The following SLC25A21 variants were observed in gnomAD, a reference collection of about 807,000 sequenced individuals.
SLC25A21 encodes the protein mitochondrial 2-oxodicarboxylate carrier.
Under a neutral mutation model 43.8 loss-of-function variants are expected in SLC25A21, and 47 were observed. The observed-to-expected ratio is 1.07, with a 90% CI of 0.85 to 1.37. The LOEUF is 1.37. Ranked by LOEUF, SLC25A21 falls within the 40% of genes most tolerant of loss-of-function variation. The probability of loss-of-function intolerance (pLI) is 0.00; values close to 1 mark genes in which losing one functional copy is unlikely to be tolerated. For missense variants in SLC25A21, 352 were observed against 350.2 expected, an observed-to-expected ratio of 1.00 and a Z score of -0.04; for synonymous variants, 131 against 121.3, an observed-to-expected ratio of 1.08 and a Z score of -0.52.
chr14:36,836,856 T>C (rs1889226876), intron 2 of SLC25A21, among the ~76,000 whole-genome samples: 1 of 152,138 alleles, frequency 6.6e-6, no homozygotes, highest in African/African-American at 2.4e-5. Context: ...GAGATGAATA[T>C]ATTTGTAGTT....
chr14:37,155,296 C>A (rs1963829549), intron 1 of SLC25A21, among the ~76,000 whole-genome samples: 2 of 152,018 alleles, frequency 1.3e-5, no homozygotes, highest in Admixed American at 1.3e-4. Flanking sequence ...TTTGGGGCAA[C>A]ATACAGTGAC....
chr14:36,871,334 C>G (rs1890367430), intron 2 of SLC25A21, among the ~76,000 whole-genome samples: 1 of 152,172 alleles, frequency 6.6e-6, no homozygotes, highest in Non-Finnish European at 1.5e-5. Flanking sequence ...TACCAGACAT[C>G]AAACCTGCCA....
intron 1 of SLC25A21, among the ~76,000 whole-genome samples, chr14:36,973,381 G>C (rs718997): frequency 1.3e-5 from 2 of 152,126 alleles, no homozygotes; most frequent in Non-Finnish European, 1.5e-5. Flanking sequence ...AAACATAGCG[G>C]AGGCTGCCTC....
chr14:36,895,437 CT>C (rs1891210616), intron 1 of SLC25A21, among the ~76,000 whole-genome samples: 1 of 152,100 alleles, frequency 6.6e-6, no homozygotes, highest in African/African-American at 2.4e-5. Flanking sequence ...CTCTTTTCTT[CT>C]TTATTAGTCT....
chr14:36,696,888 T>G (rs1204467156), intron 7 of SLC25A21, among the ~76,000 whole-genome samples: 3 of 152,088 alleles, frequency 2.0e-5, no homozygotes, highest in African/African-American at 4.8e-5. Flanking sequence ...TTTTGAAGGG[T>G]TTTTTTGTAT....
At chr14:37,101,105 G>A (rs1962809337) in intron 1 of SLC25A21, among the ~76,000 whole-genome samples, 1 of 152,086 alleles carries the variant, frequency 6.6e-6, no homozygotes, top group Admixed American at 6.6e-5. Flanking sequence ...GAAAAATAAT[G>A]TGTTAATCCA....
At chr14:36,769,793 C>T (rs1035290376) in intron 3 of SLC25A21, among the ~76,000 whole-genome samples, 1 of 152,180 alleles carries the variant, frequency 6.6e-6, no homozygotes, top group Non-Finnish European at 1.5e-5. Flanking sequence ...CACTGAAATA[C>T]TTAAATTCTA....
rs140222721 is a variant in SLC25A21, at chr14:37,007,734, G to A, written c.71-132730C>T. 2.7e-3 allele frequency among the ~76,000 whole-genome samples: 406 copies of A among 151,992 alleles called. 1 individual carries two copies. The highest frequency in any genetic ancestry group is 2.8e-3 in the Non-Finnish European group (193 of 67,988). On this transcript the variant is annotated intron_variant, in intron 1 of 9. Coordinates refer to ENST00000331299, the MANE Select transcript of SLC25A21 (RefSeq NM_030631.4). ...TCTTGATATTATTGGCACGCTTTACGGGAAGAAATTATCAATAGTTTATTC... is the reference window on the plus strand; with the variant it reads ...TCTTGATATTATTGGCACGCTTTACAGGAAGAAATTATCAATAGTTTATTC...
intron 1 of SLC25A21, among the ~76,000 whole-genome samples, chr14:37,014,656 T>C (rs140628541): frequency 6.6e-6 from 1 of 152,324 alleles, no homozygotes; most frequent in African/African-American, 2.4e-5. Flanking sequence ...TTCAGAATGA[T>C]AAATTCTTTC....
chr14:37,156,504 A>G (rs570248261), intron 1 of SLC25A21, among the ~76,000 whole-genome samples: 2 of 152,168 alleles, frequency 1.3e-5, no homozygotes, highest in African/African-American at 4.8e-5. Context: ...TTTAAAAACT[A>G]TCTTCCAACT....
intron 3 of SLC25A21, among the ~76,000 whole-genome samples, chr14:36,756,943 T>C (rs1362591521): frequency 6.6e-6 from 1 of 152,154 alleles, no homozygotes; most frequent in African/African-American, 2.4e-5. Context: ...CATAGACCAA[T>C]ACTTTTGTAA....
chr14:37,059,160 T>C (rs1961891936), intron 1 of SLC25A21, among the ~76,000 whole-genome samples: 1 of 152,208 alleles, frequency 6.6e-6, no homozygotes, highest in Non-Finnish European at 1.5e-5. Context: ...GAAATTCAAA[T>C]AACAGTAATA....
chr14:36,846,916 C>T (rs1011793174), intron 2 of SLC25A21, among the ~76,000 whole-genome samples: 2 of 152,152 alleles, frequency 1.3e-5, no homozygotes, highest in African/African-American at 4.8e-5. Context: ...TCCAAACACT[C>T]AAAAAACTTC....
intron 1 of SLC25A21, among the ~76,000 whole-genome samples, chr14:37,006,938 A>AAAAC (rs1181301047): frequency 6.6e-6 from 1 of 152,166 alleles, no homozygotes; most frequent in Non-Finnish European, 1.5e-5. Context: ...ACAATCTCCT[A>AAAAC]AAACAAACAA....
intron 7 of SLC25A21, among the ~76,000 whole-genome samples, chr14:36,701,614 TG>T (rs1384287399): frequency 2.6e-5 from 4 of 152,210 alleles, no homozygotes; most frequent in Non-Finnish European, 5.9e-5. Flanking sequence ...AAATGGATTA[TG>T]GTTTAGGCAT....
intron 5 of SLC25A21, 142 bp downstream of exon 5, chr14:36,729,365 G>A: frequency 1.7e-6 from 1 of 593,664 alleles, no homozygotes; most frequent in Non-Finnish European, 2.8e-6. Context: ...TTAGGAAGAT[G>A]GCTTTCAACA....
chr14:36,779,551 T>TTA (rs34720693), intron 3 of SLC25A21, among the ~76,000 whole-genome samples: 4 of 140,878 alleles, frequency 2.8e-5, no homozygotes, highest in African/African-American at 1.0e-4. Context: ...AAACATATTC[T>TTA]TATATATATG....
At chr14:36,877,604 T>C (rs930042389) in intron 1 of SLC25A21, among the ~76,000 whole-genome samples, 1 of 152,036 alleles carries the variant, frequency 6.6e-6, no homozygotes, top group African/African-American at 2.4e-5. Context: ...GGAGGTGCAA[T>C]GCTCAGAGTT....
At chr14:37,003,414 C>A (rs1411654106) in intron 1 of SLC25A21, among the ~76,000 whole-genome samples, 1 of 152,030 alleles carries the variant, frequency 6.6e-6, no homozygotes, top group African/African-American at 2.4e-5. Context: ...ATTTTTAGAC[C>A]ACAGTTGACC....
Sources: allele counts gnomAD v4.1 joint callset (sites outside exome capture counted in the v4.1 genomes callset), GRCh38; gene constraint gnomAD v4.1.1; transcripts MANE v1.5; gene names NCBI Gene and HGNC (gene_info 2026-07-23, HGNC 2026-07-21).